Variants in NUGGC observed in about 807,000 individuals in gnomAD.
The protein encoded by NUGGC is nuclear GTPase SLIP-GC.
A neutral mutation model predicts 92.6 loss-of-function variants in NUGGC; 58 were observed. The ratio of observed to expected loss-of-function variants is 0.63; its 90% CI spans 0.51 to 0.78. The LOEUF (loss-of-function observed/expected upper bound fraction) is 0.78. Ranked by LOEUF, NUGGC falls within the 30% of genes least tolerant of loss-of-function variation. NUGGC has a pLI of 0.00. For missense variants in NUGGC, 925 were observed against 964.6 expected, an observed-to-expected ratio of 0.96 and a Z score of 0.54; for synonymous variants, 376 against 366.4, an observed-to-expected ratio of 1.03 and a Z score of -0.30.
Position 28,064,640 on chromosome 8 carries a change from A to G in NUGGC, c.803T>C (p.Leu268Ser), listed in dbSNP as rs1810391890. 1 of 1,614,032 alleles carries G rather than the reference A, an allele frequency of 6.2e-7. No homozygotes were observed. Among genetic ancestry groups the G allele is most frequent in the Non-Finnish European group, 8.5e-7 (1 of 1,179,896 alleles). Reference protein sequence around the residue: ...GEAAEMRIWPLIKHVEVTLPK... With the variant: ...GEAAEMRIWPSIKHVEVTLPK... ...AAGTGTCACTTCCACATGTTTGATC[A>G]AGGGCCAGATGCGCATCTCAGCGGC... Residue 268 changes from leucine (L) to serine (S), a missense_variant, in exon 7 of 19, where the codon TTG becomes TCG. Physicochemically the swap from Leu to Ser is moderately radical, Grantham distance 145. Coordinates refer to ENST00000413272, the MANE Select transcript of NUGGC (RefSeq NM_001010906.2).
rs753332387 is a variant in NUGGC at position 28,068,408 on chromosome 8, C to T, written c.288G>A (p.Pro96=). 26 of 1,576,400 alleles carry T rather than the reference C, an allele frequency of 1.6e-5. No homozygotes were observed. Among genetic ancestry groups the T allele is most frequent in the South Asian group, 4.7e-5 (4 of 85,544 alleles). ...ATGCAATGTAGATTGGGTCCACTGT[C>T]GGCTTTTCAATCAAGGCAAGAAGCC... ...INRLLALIEK[P]TVDPIYIALF... The change falls in exon 5 of 19, where the codon CCG becomes CCA. Residue 96 remains proline, a synonymous_variant. Transcript: ENST00000413272.
In NUGGC at chr8:28,029,377, T is replaced by A; in HGVS notation, c.2043A>T (p.Lys681Asn). 6.2e-7 allele frequency: 1 copy of A among 1,612,244 alleles called. No individual in the cohort carries two copies. Residue 681 changes from lysine (K) to asparagine (N), a missense_variant, in exon 17 of 19, where the codon AAA becomes AAT. Coordinates refer to ENST00000413272, the MANE Select transcript of NUGGC (RefSeq NM_001010906.2). Reference protein sequence around the residue: ...YEEAAQITGKKACERMKDAIR... With the variant: ...YEEAAQITGKNACERMKDAIR... ...TGGCATCTTTCATCCGCTCACACGCTTTTTTGCCCGTGATCTGAGCTGCCT... is the reference window on the plus strand; with the variant it reads ...TGGCATCTTTCATCCGCTCACACGCATTTTTGCCCGTGATCTGAGCTGCCT...
chr8:28,076,113 C>T (rs190378935), intron 1 of NUGGC, among the ~76,000 whole-genome samples: 5 of 152,208 alleles, frequency 3.3e-5, no homozygotes, highest in Admixed American at 6.5e-5. Context: ...GCTGTGCTTA[C>T]GTCTGTTCCT....
At chr8:28,058,192 A>C (rs907940218) in intron 9 of NUGGC, 66 bp downstream of exon 9, 1 of 285,870 alleles carries the variant, frequency 3.5e-6, no homozygotes, top group Non-Finnish European at 6.5e-6. Flanking sequence ...ACTCTGTCTC[A>C]AAAAAATAAA....
intron 18 of NUGGC, among the ~76,000 whole-genome samples, chr8:28,024,395 G>C (rs1809202658): frequency 6.6e-6 from 1 of 152,018 alleles, no homozygotes; most frequent in Non-Finnish European, 1.5e-5. Context: ...TGGTTCTGCA[G>C]GGATGGCCTC....
At chr8:28,051,644 G>A (rs188780285) in intron 10 of NUGGC, among the ~76,000 whole-genome samples, 6 of 152,322 alleles carry the variant, frequency 3.9e-5, no homozygotes, top group Admixed American at 1.3e-4. Flanking sequence ...GAGCCAAGGC[G>A]GCCAGGTGCA....
At chr8:28,049,584 G>C (rs17058527) in intron 10 of NUGGC, among the ~76,000 whole-genome samples, 1,757 of 152,240 alleles carry the variant, frequency 0.012, 41 homozygotes, top group African/African-American at 0.039. Flanking sequence ...TAGTATAAAG[G>C]GTTCATATTA....
intron 5 of NUGGC, 145 bp from the exon 6 acceptor site, chr8:28,067,889 G>C (rs1038495210): frequency 1.5e-6 from 1 of 676,672 alleles, no homozygotes; most frequent in African/African-American, 1.8e-5. Context: ...TCGAAGAGGG[G>C]AATGGCTTGC....
chr8:28,079,350 A>G (rs1159245768), intron 1 of NUGGC, among the ~76,000 whole-genome samples: 1 of 152,014 alleles, frequency 6.6e-6, no homozygotes, highest in Non-Finnish European at 1.5e-5. Context: ...GACCAGCCTG[A>G]CCAGCATGGT....
rs1810466916 is a variant in NUGGC at position 28,067,530 on chromosome 8, G to C, written c.695C>G (p.Thr232Ser). The change falls in exon 6 of 19, where the codon ACC becomes AGC. Residue 232 changes from threonine (T) to serine (S), a missense_variant. Physicochemically the swap from Thr to Ser is moderately conservative, Grantham distance 58. Transcript: ENST00000413272. ...TGACGCTACCTCTTCCGCCTTGAGG[G>C]TGATGACTCTGGAGGTGGGGATCTT... is the stretch of plus-strand genomic sequence containing the variant. ...KRKIPTSRVITLKAEEAEELS... is the reference protein window; with the variant it reads ...KRKIPTSRVISLKAEEAEELS... 1 of 1,608,742 alleles carries C rather than the reference G, an allele frequency of 6.2e-7. No homozygotes were observed. The highest frequency in any genetic ancestry group is 1.3e-5 in the African/African-American group (1 of 74,990).
intron 1 of NUGGC, among the ~76,000 whole-genome samples, chr8:28,078,155 G>A (rs1810768207): frequency 6.6e-6 from 1 of 152,156 alleles, no homozygotes; most frequent in Admixed American, 6.6e-5. Flanking sequence ...TATGGTTTCT[G>A]TATACAAGTA....
chr8:28,023,153 G>T lies in NUGGC; in HGVS notation c.*164C>A. 2 of 668,638 alleles carry T rather than the reference G, an allele frequency of 3.0e-6. No homozygotes were observed. Among genetic ancestry groups the T allele is most frequent in the Non-Finnish European group, 4.8e-6 (2 of 415,626 alleles). 41.4% of individuals were successfully genotyped at this position (668,638 alleles called of 1,614,324 possible). Reference sequence around the variant, plus strand: ...CTCTGGAGGCTGAGGCTGGAGGATCGCTTGAGCCTAGGAGTTCGAGGCTGC... The same window carrying T: ...CTCTGGAGGCTGAGGCTGGAGGATCTCTTGAGCCTAGGAGTTCGAGGCTGC... On this transcript the variant is annotated 3_prime_UTR_variant, in exon 19 of 19. Coordinates refer to ENST00000413272, the MANE Select transcript of NUGGC (RefSeq NM_001010906.2).
At chr8:28,046,828 C>A (rs111565118) in intron 11 of NUGGC, among the ~76,000 whole-genome samples, 1 of 149,214 alleles carries the variant, frequency 6.7e-6, no homozygotes, top group Non-Finnish European at 1.5e-5. Flanking sequence ...CCACCACGTC[C>A]GGCTAATTTT....
intron 10 of NUGGC, among the ~76,000 whole-genome samples, chr8:28,050,214 C>A (rs372118889): frequency 6.6e-6 from 1 of 151,452 alleles, no homozygotes; most frequent in Non-Finnish European, 1.5e-5. Context: ...GGAGAAACCC[C>A]GTCTCTACTA....
At chr8:28,050,396 AAAAGGAAAGGAAAAG>A (rs1809964154) in intron 10 of NUGGC, among the ~76,000 whole-genome samples, 1 of 152,150 alleles carries the variant, frequency 6.6e-6, no homozygotes, top group African/African-American at 2.4e-5. Flanking sequence ...AAAAAAAGAA[AAAAGGAAAGGAAAAG>A]AAAGGAAAGG....
At chr8:28,024,560 T>C (rs1809207642) in intron 18 of NUGGC, among the ~76,000 whole-genome samples, 1 of 152,238 alleles carries the variant, frequency 6.6e-6, no homozygotes, top group South Asian at 2.1e-4. Flanking sequence ...TCTGTTTATC[T>C]GGAGGACGCT....
At chr8:28,031,164 G>T in intron 15 of NUGGC, 79 bp downstream of exon 15, 1 of 1,518,388 alleles carries the variant, frequency 6.6e-7, no homozygotes, top group Non-Finnish European at 9.1e-7. Flanking sequence ...CAAGGGAACA[G>T]ACAGGCAACC....
chr8:28,031,367 G>A lies in NUGGC; in HGVS notation c.1784C>T (p.Thr595Ile). Reference protein sequence around the residue: ...FGSIFRTGKPTGSALMPHIDA... With the variant: ...FGSIFRTGKPIGSALMPHIDA... ...TATGTGAGGCATCAGAGCTGAACCA[G>A]TGGGCTTCCCCGTCCTACGGAAGAA... is the stretch of plus-strand genomic sequence containing the variant. Residue 595 changes from threonine to isoleucine, a missense_variant, in exon 15 of 19, where the codon ACT (threonine) becomes ATT (isoleucine). Physicochemically the swap from Thr to Ile is moderately conservative, Grantham distance 89 (BLOSUM62 -1). Transcript: ENST00000413272. The A allele has an allele frequency of 1.2e-6, 2 of 1,613,930 alleles. No homozygotes were observed. Among genetic ancestry groups the A allele is most frequent in the Non-Finnish European group, 1.7e-6 (2 of 1,179,812 alleles).
rs1290440291 is a variant in NUGGC, at chr8:28,033,694, T to C, written c.1615A>G (p.Ser539Gly). Residue 539 changes from serine to glycine, a missense_variant, in exon 14 of 19, where the codon AGT becomes GGT. Ser to Gly is a moderately conservative substitution (Grantham distance 56). Coordinates refer to ENST00000413272, the MANE Select transcript of NUGGC (RefSeq NM_001010906.2). ...TGATGAAAACCTTGGTTTCCTTTAC[T>C]CCTCTAGACAATCAACAATAAATTA... ...RCILRACLVR[S>G]KGNQGFHQTL... 6.2e-7 allele frequency: 1 copy of C among 1,613,708 alleles called. No homozygotes were observed. Among genetic ancestry groups the C allele is most frequent in the Admixed American group, 1.7e-5 (1 of 60,000 alleles).
Sources: allele counts gnomAD v4.1 joint callset (sites outside exome capture counted in the v4.1 genomes callset), GRCh38; gene constraint gnomAD v4.1.1; transcripts MANE v1.5; gene names NCBI Gene and HGNC (gene_info 2026-07-23, HGNC 2026-07-21).